The following UNK variants were observed in gnomAD, a reference collection of about 807,000 sequenced individuals.
The protein encoded by UNK is unk zinc finger.
A neutral mutation model predicts 97.6 loss-of-function variants in UNK; 32 were observed. The ratio of observed to expected loss-of-function variants is 0.33; its 90% CI spans 0.25 to 0.44. The LOEUF is 0.44. Among genes scored for constraint, UNK ranks in the 20% least tolerant of loss-of-function variants. The pLI, the probability that UNK is intolerant of heterozygous loss-of-function variation, is 1.00. For synonymous variants in UNK, 441 were observed against 461.2 expected (o/e 0.96, Z 0.56); for missense variants, 771 against 1,098.4 (o/e 0.70, Z 4.21).
intron 6 of UNK, 44 bp from the exon 7 acceptor site, chr17:75,815,125 T>G (rs755506920): frequency 6.3e-7 from 1 of 1,578,854 alleles, no homozygotes; most frequent in South Asian, 1.1e-5. Context: ...TGCCCGGCCT[T>G]CCCTCAGGGC....
chr17:75,805,293 G>A (rs767920160), intron 1 of UNK, among the ~76,000 whole-genome samples: 15 of 151,110 alleles, frequency 9.9e-5, no homozygotes, highest in Admixed American at 8.6e-4. Context: ...AGCTACCTGG[G>A]AGGCTGAAGT....
intron 13 of UNK, among the ~76,000 whole-genome samples, chr17:75,820,530 A>G (rs1296438206): frequency 1.3e-5 from 2 of 152,084 alleles, no homozygotes; most frequent in East Asian, 3.9e-4. Context: ...ACCAAGGGAG[A>G]AGCCAGACAG....
intron 1 of UNK, among the ~76,000 whole-genome samples, chr17:75,796,342 A>G (rs1487515851): frequency 1.4e-5 from 2 of 143,862 alleles, no homozygotes; most frequent in East Asian, 2.0e-4. Flanking sequence ...TTTTTGAGAT[A>G]TGGTCTTACT....
intron 1 of UNK, among the ~76,000 whole-genome samples, chr17:75,786,156 C>CA (rs1376675057): frequency 6.6e-6 from 1 of 152,204 alleles, no homozygotes; most frequent in African/African-American, 2.4e-5. Context: ...CAGTCTGACT[C>CA]ACGTTAACCA....
intron 13 of UNK, among the ~76,000 whole-genome samples, chr17:75,822,193 G>C (rs182022858): frequency 6.6e-6 from 1 of 152,290 alleles, no homozygotes; most frequent in East Asian, 1.9e-4. Context: ...TGAGTTACCC[G>C]GTGAGGCCAG....
At chr17:75,786,475 T>G (rs2061712049) in intron 1 of UNK, among the ~76,000 whole-genome samples, 1 of 152,232 alleles carries the variant, frequency 6.6e-6, no homozygotes, top group South Asian at 2.1e-4. Flanking sequence ...AAGGCTTTCT[T>G]ATTTTGGAAT....
chr17:75,791,968 A>T (rs1290442436), intron 1 of UNK: 1 of 985,126 alleles, frequency 1.0e-6, no homozygotes, highest in Non-Finnish European at 1.2e-6. Context: ...AAAGCAAGAT[A>T]CCCTCGTGGA....
chr17:75,784,841 T>C lies in UNK; in HGVS notation c.-40T>C. ...CTCGGCGCGGACCGCGCAGACTGAATAATAAAAGGGGAGCGGCGAAGAGGC... is the reference window on the plus strand; with the variant it reads ...CTCGGCGCGGACCGCGCAGACTGAACAATAAAAGGGGAGCGGCGAAGAGGC... On this transcript the variant is annotated 5_prime_UTR_variant, in exon 1 of 16. Transcript: ENST00000589666. The C allele has an allele frequency of 1.3e-6, 2 of 1,594,736 alleles. No individual in the cohort carries two copies. Among genetic ancestry groups the C allele is most frequent in the Non-Finnish European group, 1.7e-6 (2 of 1,164,982 alleles).
chr17:75,810,825 A>G (rs1318186469), intron 2 of UNK, among the ~76,000 whole-genome samples: 1 of 152,098 alleles, frequency 6.6e-6, no homozygotes, highest in African/African-American at 2.4e-5. Flanking sequence ...TAGTAGAGAC[A>G]GGGTTTCACC....
In UNK at chr17:75,816,898, C is replaced by A; in HGVS notation, c.1090C>A (p.Pro364Thr). 6.2e-7 allele frequency: 1 copy of A among 1,604,408 alleles called. No homozygotes were observed. The highest frequency in any genetic ancestry group is 2.2e-5 in the East Asian group (1 of 44,800). ...VPVSPSSPHA[P>T]DLSALLCRNS... is the part of the protein sequence containing the mutation. Reference sequence around the variant, plus strand: ...TGTGAGCCCCTCCAGCCCGCATGCCCCTGACCTCAGTGCCGTACGTGTCCA... The same window carrying A: ...TGTGAGCCCCTCCAGCCCGCATGCCACTGACCTCAGTGCCGTACGTGTCCA... Residue 364 changes from proline to threonine, a missense_variant, in exon 8 of 16, where the codon CCT becomes ACT. By Grantham distance (38) the Pro-to-Thr change is conservative. This residue lies in a region of UNK where 192 missense variants were observed against 202.4 expected (regional missense o/e 0.95). Coordinates refer to ENST00000589666, the MANE Select transcript of UNK (RefSeq NM_001080419.3). This position sits in a 1 kb window ranked among gnomAD's most constrained non-coding sequence, Gnocchi z 4.0.
rs2062027172 is a variant in UNK at position 75,817,407 on chromosome 17, C to A, written c.1186C>A (p.Leu396Met). Reference protein sequence around the residue: ...PPGSIRKPPNLEGIVFPGESG... With the variant: ...PPGSIRKPPNMEGIVFPGESG... ...GGGCTCCATCAGGAAGCCCCCAAAC[C>A]TGGAGGGCATCGTCTTCCCTGGGGA... Residue 396 changes from leucine (L) to methionine (M), a missense_variant, in exon 9 of 16, where the codon CTG (leucine) becomes ATG (methionine). Physicochemically the swap from Leu to Met is conservative, Grantham distance 15. Transcript: ENST00000589666. The surrounding 1 kb of genome is among the most constrained non-coding windows in gnomAD (Gnocchi z 5.8). The A allele has an allele frequency of 6.2e-7, 1 of 1,612,756 alleles. No individual in the cohort carries two copies. The highest frequency in any genetic ancestry group is 1.1e-5 in the South Asian group (1 of 91,048).
rs539322397 is a variant in UNK, at chr17:75,817,284, C to T, written c.1105-42C>T. 31 of 1,522,374 alleles carry T rather than the reference C, an allele frequency of 2.0e-5. No homozygotes were observed. The highest frequency in any genetic ancestry group is 9.7e-5 in the African/African-American group (7 of 72,400). The allele number at this position is 1,522,374 out of a possible 1,614,324, so 94.3% of individuals were successfully genotyped here. ...GGAGGATGGGCCACGCACCAGCCTG[C>T]GCTGTGCCCACGGGCCCACTCCCTC... On this transcript the variant is annotated intron_variant, in intron 8 of 15. Coordinates refer to ENST00000589666, the MANE Select transcript of UNK (RefSeq NM_001080419.3). The surrounding 1 kb of genome is among the most constrained non-coding windows in gnomAD (Gnocchi z 5.8).
Position 75,822,547 on chromosome 17 carries a change from C to G in UNK, c.1908C>G (p.Pro636=). 6.2e-7 allele frequency: 1 copy of G among 1,613,634 alleles called. No homozygotes were observed. The highest frequency in any genetic ancestry group is 8.5e-7 in the Non-Finnish European group (1 of 1,179,806). The change falls in exon 14 of 16, where the codon CCC becomes CCG. Residue 636 remains proline, a synonymous_variant. Transcript: ENST00000589666. ...GAAGCTTCTCCCCGGGCACTTCCCC[C>G]GCTTTCCTATCAGGGCCAGGGGCTG... ...ASGSFSPGTS[P]AFLSGPGAAE...
intron 1 of UNK, chr17:75,794,293 C>G (rs150579500): frequency 3.6e-6 from 2 of 558,008 alleles, no homozygotes; most frequent in Admixed American, 6.3e-5. Flanking sequence ...TTCAGAGAGT[C>G]ACTGAGGCTT....
rs542351639 is a variant in UNK, at chr17:75,809,916, C to G, written c.261C>G (p.Asp87Glu). The G allele has an allele frequency of 6.2e-7, 1 of 1,613,820 alleles. No homozygotes were observed. Among genetic ancestry groups the G allele is most frequent in the Non-Finnish European group, 8.5e-7 (1 of 1,179,896 alleles). Residue 87 changes from aspartate (D) to glutamate (E), a missense_variant, in exon 2 of 16, where the codon GAC becomes GAG. Transcript: ENST00000589666. ...ACGGCACCTTCAATTACAGCCCTGA[C>G]GTCTACTGCACCAAGTACGACGAGG... ...RRDGTFNYSP[D>E]VYCTKYDEAT...
intron 1 of UNK, among the ~76,000 whole-genome samples, chr17:75,790,229 G>A (rs942189990): frequency 3.3e-5 from 5 of 152,036 alleles, no homozygotes; most frequent in Non-Finnish European, 5.9e-5. Context: ...CCCAGGAGGC[G>A]GGGGTTGCAG....
At chr17:75,811,785 G>A (rs540657242) in intron 2 of UNK, among the ~76,000 whole-genome samples, 2 of 152,116 alleles carry the variant, frequency 1.3e-5, no homozygotes, top group East Asian at 3.9e-4. Context: ...TCAGGAGATC[G>A]AGACCATCCT....
chr17:75,803,536 C>T (rs1171388829), intron 1 of UNK, among the ~76,000 whole-genome samples: 2 of 152,188 alleles, frequency 1.3e-5, no homozygotes, highest in South Asian at 4.1e-4. Context: ...ATGTGTACAG[C>T]GGAAGAATAA....
intron 1 of UNK, among the ~76,000 whole-genome samples, chr17:75,806,789 TAGTA>T (rs902528293): frequency 2.8e-4 from 43 of 152,030 alleles, no homozygotes; most frequent in East Asian, 1.5e-3. Flanking sequence ...ATAATAATAA[TAGTA>T]AGAGTTAAAT....
Sources: allele counts gnomAD v4.1 joint callset (sites outside exome capture counted in the v4.1 genomes callset), GRCh38; gene constraint gnomAD v4.1.1; regional missense constraint gnomAD v4.1.1; non-coding constraint Gnocchi (gnomAD v3.1); transcripts MANE v1.5; gene names NCBI Gene and HGNC (gene_info 2026-07-23, HGNC 2026-07-21).